Variants in PRKDC observed in about 807,000 individuals in gnomAD.
The protein encoded by PRKDC is DNA-dependent protein kinase catalytic subunit.
A neutral mutation model predicts 486.9 loss-of-function variants in PRKDC; 82 were observed. That is an observed-to-expected ratio of 0.17 (90% CI 0.14 to 0.20). The LOEUF (loss-of-function observed/expected upper bound fraction) is 0.20, where lower values mean the gene tolerates loss of function less well. Ranked by LOEUF, PRKDC falls within the 10% of genes least tolerant of loss-of-function variation. The pLI, the probability that PRKDC is intolerant of heterozygous loss-of-function variation, is 1.00. For missense variants in PRKDC, 4,504 were observed against 5,038.2 expected, an observed-to-expected ratio of 0.89 and a Z score of 3.21; for synonymous variants, 1,895 against 1,837.0, an observed-to-expected ratio of 1.03 and a Z score of -0.81.
chr8:47,944,176 G>C (rs1016778249), intron 7 of PRKDC, 147 bp from the exon 8 acceptor site: 3 of 735,472 alleles, frequency 4.1e-6, no homozygotes, highest in East Asian at 5.4e-5. Flanking sequence ...AGCTAAAGTT[G>C]CAAGTTATTA....
At position 47,879,592 on chromosome 8, in the gene PRKDC, G is replaced by A. The variant is rs1274434553; in HGVS notation, c.5134C>T (p.Arg1712Cys). ...LTGGSLEELRRVLEQLIVAHF... is the reference protein window; with the variant it reads ...LTGGSLEELRCVLEQLIVAHF... Reference sequence around the variant, plus strand: ...GCAACGATGAGCTGCTCCAGAACACGTCTAAGTTCCTCCAGACTGCCTCCA... The same window carrying A: ...GCAACGATGAGCTGCTCCAGAACACATCTAAGTTCCTCCAGACTGCCTCCA... Residue 1712 changes from arginine to cysteine, a missense_variant, in exon 39 of 86, where the codon CGT becomes TGT. Arg to Cys is a radical substitution (Grantham distance 180). Transcript: ENST00000314191. 1.9e-6 allele frequency: 3 copies of A among 1,594,700 alleles called. No individual in the cohort carries two copies. Among genetic ancestry groups the A allele is most frequent in the Non-Finnish European group, 2.6e-6 (3 of 1,170,920 alleles).
intron 59 of PRKDC, among the ~76,000 whole-genome samples, chr8:47,832,892 G>A (rs1029152547): frequency 6.6e-6 from 1 of 152,194 alleles, no homozygotes; most frequent in African/African-American, 2.4e-5. Context: ...AAGATCCCGA[G>A]AGCATCCACA....
chr8:47,913,872 A>T lies in PRKDC; in HGVS notation c.2781+29T>A, dbSNP rs145389433. The T allele has an allele frequency of 3.6e-5, 56 of 1,570,126 alleles. 2 individuals are homozygous for T. The East Asian group carries it at 6.9e-4, about 19-fold the overall frequency. ...GTATTTTTAAAGCAATAGGATCTAA[A>T]TAATGGGTGAAATGAAAAATAGAAG... On this transcript the variant is annotated intron_variant, in intron 24 of 85. Coordinates refer to ENST00000314191, the MANE Select transcript of PRKDC (RefSeq NM_006904.7).
intron 50 of PRKDC, 138 bp downstream of exon 50, chr8:47,855,084 G>C (rs950289730): frequency 2.0e-5 from 19 of 943,302 alleles, no homozygotes; most frequent in Non-Finnish European, 2.9e-5. Context: ...TCTGGAGGCT[G>C]TGGTTTTATT....
intron 10 of PRKDC, among the ~76,000 whole-genome samples, chr8:47,940,930 G>A (rs1258364791): frequency 6.6e-6 from 1 of 152,104 alleles, no homozygotes; most frequent in Admixed American, 6.6e-5. Context: ...GATGACCTGA[G>A]GTCAGCCTGG....
chr8:47,957,252 A>G lies in PRKDC; in HGVS notation c.243T>C (p.Cys81=), dbSNP rs767456634. ...KSLNSIEFRE[C]REEILKFLCI... ...ATAAAAACTTTAGGATTTCTTCTCTACATTCACGAAACTGTAATGAAAGAG... is the reference window on the plus strand; with the variant it reads ...ATAAAAACTTTAGGATTTCTTCTCTGCATTCACGAAACTGTAATGAAAGAG... The change falls in exon 3 of 86, where the codon TGT becomes TGC. Residue 81 remains cysteine, a synonymous_variant. Coordinates refer to ENST00000314191, the MANE Select transcript of PRKDC (RefSeq NM_006904.7). 8 of 1,597,222 alleles carry G rather than the reference A, an allele frequency of 5.0e-6. No homozygotes were observed. Among genetic ancestry groups the G allele is most frequent in the Non-Finnish European group, 6.0e-6 (7 of 1,166,948 alleles).
At chr8:47,917,655 T>C (rs890446073) in intron 22 of PRKDC, among the ~76,000 whole-genome samples, 1 of 152,108 alleles carries the variant, frequency 6.6e-6, no homozygotes, top group Admixed American at 6.5e-5. Context: ...AACCTGATAA[T>C]ATGACATATT....
In PRKDC at chr8:47,782,186, T is replaced by C; in HGVS notation, c.11465A>G (p.Gln3822Arg). The C allele has an allele frequency of 6.2e-7, 1 of 1,614,016 alleles. No individual in the cohort carries two copies. ...LKDLLLNTMS[Q>R]EEKAAYLSDP... ...CCTCAGGTAAGCCGCCTTCTCCTCTTGGGACATGGTGTTCAAAAGAAGGTC... is the reference window on the plus strand; with the variant it reads ...CCTCAGGTAAGCCGCCTTCTCCTCTCGGGACATGGTGTTCAAAAGAAGGTC... Residue 3822 changes from glutamine to arginine, a missense_variant, in exon 80 of 86, where the codon CAA becomes CGA. Gln to Arg is a conservative substitution (Grantham distance 43). Around this residue, in one of 6 missense-constraint regions of PRKDC, gnomAD observed 706 missense variants for 945.0 expected, o/e 0.75. Coordinates refer to ENST00000314191, the MANE Select transcript of PRKDC (RefSeq NM_006904.7). This position sits in a 1 kb window ranked among gnomAD's most constrained non-coding sequence, Gnocchi z 4.9.
At chr8:47,934,820 T>C (rs1240548066) in intron 14 of PRKDC, among the ~76,000 whole-genome samples, 189 bp downstream of exon 14, 2 of 152,222 alleles carry the variant, frequency 1.3e-5, no homozygotes, top group African/African-American at 4.8e-5. Flanking sequence ...AGATGTTTCA[T>C]ACCTTAGAAG....
At chr8:47,778,381 T>C in intron 83 of PRKDC, 78 bp downstream of exon 83, 1 of 1,439,280 alleles carries the variant, frequency 6.9e-7, no homozygotes, top group Non-Finnish European at 9.4e-7. Context: ...CCTTAAAAAC[T>C]GTCTATTTCT....
At chr8:47,932,377 C>T (rs780612152) in intron 16 of PRKDC, among the ~76,000 whole-genome samples, 32 of 151,918 alleles carry the variant, frequency 2.1e-4, no homozygotes, top group Non-Finnish European at 4.4e-4. Context: ...GCCACCGCGC[C>T]TGGCCTTTTT....
Position 47,936,357 on chromosome 8 carries a change from T to C in PRKDC, c.1274A>G (p.Asp425Gly), listed in dbSNP as rs752106941. The C allele has an allele frequency of 1.2e-6, 2 of 1,609,374 alleles. No individual in the cohort carries two copies. The highest frequency in any genetic ancestry group is 3.4e-5 in the Admixed American group (2 of 59,226). The change falls in exon 12 of 86, where the codon GAC becomes GGC. Residue 425 changes from aspartate (D) to glycine (G), a missense_variant. Asp to Gly is a moderately conservative substitution (Grantham distance 94). Coordinates refer to ENST00000314191, the MANE Select transcript of PRKDC (RefSeq NM_006904.7). Reference protein sequence around the residue: ...QSVASVLLYLDTVPEVYTPVL... With the variant: ...QSVASVLLYLGTVPEVYTPVL... ...TGCTCAGTTTAGTTCACTTACTGTG[T>C]CAAGGTACAGCAAGACGCTTGCAAC...
intron 49 of PRKDC, among the ~76,000 whole-genome samples, chr8:47,856,649 CAT>C (rs566535123): frequency 3.4e-4 from 52 of 152,186 alleles, no homozygotes; most frequent in African/African-American, 6.5e-4. Flanking sequence ...CACACACACA[CAT>C]GTCTACACTG....
At position 47,777,000 on chromosome 8, in the gene PRKDC, T is replaced by A; in HGVS notation, c.12043-17A>T. 6.2e-7 allele frequency: 1 copy of A among 1,606,088 alleles called. No individual in the cohort carries two copies. Among genetic ancestry groups the A allele is most frequent in the Non-Finnish European group, 8.5e-7 (1 of 1,177,592 alleles). On this transcript the variant is annotated splice_polypyrimidine_tract_variant and intron_variant, in intron 84 of 85. Coordinates refer to ENST00000314191, the MANE Select transcript of PRKDC (RefSeq NM_006904.7). ...TTCAAAATTCTAGAAGAAAAGAACA[T>A]GATTTTCCCGGCTGATCATAATGGT...
At position 47,837,193 on chromosome 8, in the gene PRKDC, A is replaced by G. The variant is rs2088045161; in HGVS notation, c.7761+19T>C. ...AAAGCCTATAATATTCACTACTATG[A>G]GAGAGAAGACCACATTACCTGAAAT... On this transcript the variant is annotated intron_variant, in intron 57 of 85. Coordinates refer to ENST00000314191, the MANE Select transcript of PRKDC (RefSeq NM_006904.7). The G allele has an allele frequency of 1.3e-6, 2 of 1,595,174 alleles. No homozygotes were observed. The highest frequency in any genetic ancestry group is 1.7e-6 in the Non-Finnish European group (2 of 1,164,358).
chr8:47,796,348 A>T (rs531374738), intron 73 of PRKDC, among the ~76,000 whole-genome samples: 24 of 152,174 alleles, frequency 1.6e-4, no homozygotes, highest in African/African-American at 5.1e-4. Context: ...AAAAAAATAA[A>T]AAATAAATAA....
rs1002844048 is a variant in PRKDC, at chr8:47,840,158, T to C, written c.7312A>G (p.Ile2438Val). The C allele has an allele frequency of 1.2e-6, 2 of 1,601,042 alleles. No individual in the cohort carries two copies. Among genetic ancestry groups the C allele is most frequent in the East Asian group, 4.5e-5 (2 of 44,758 alleles). The change falls in exon 55 of 86, where the codon ATA (isoleucine) becomes GTA (valine). Residue 2438 changes from isoleucine (I) to valine (V), a missense_variant. Physicochemically the swap from Ile to Val is conservative, Grantham distance 29. Transcript: ENST00000314191. ...AACTTTGGCATCATCTTATAAATTA[T>C]GTCCAAACATACTTTTTGTCTTTCA... ...DDERQKVCLD[I>V]IYKMMPKLKP... is the part of the protein sequence containing the mutation.
chr8:47,856,732 G>A (rs1030721026), intron 49 of PRKDC, among the ~76,000 whole-genome samples: 11 of 152,166 alleles, frequency 7.2e-5, no homozygotes, highest in Admixed American at 5.9e-4. Flanking sequence ...CCCTAATCTT[G>A]CCATTGCTGG....
intron 64 of PRKDC, among the ~76,000 whole-genome samples, chr8:47,822,658 C>T (rs1355663738): frequency 3.3e-5 from 5 of 151,928 alleles, no homozygotes; most frequent in African/African-American, 1.2e-4. Context: ...GGCGTGGTGG[C>T]GGGCACCTGT....
Sources: gnomAD v4.1 joint callset for allele counts (sites outside exome capture counted in the v4.1 genomes callset) on GRCh38, gnomAD v4.1.1 for gene constraint, gnomAD v4.1.1 regional missense constraint, Gnocchi (gnomAD v3.1) non-coding constraint, MANE v1.5 for transcripts, NCBI Gene and HGNC (gene_info 2026-07-23, HGNC 2026-07-21) for gene names.